The following PCDH9 variants were observed in gnomAD, a reference collection of about 807,000 sequenced individuals.
The protein encoded by PCDH9 is protocadherin-9.
In PCDH9, 24 loss-of-function variants were observed where a neutral mutation model predicts 70.6. The ratio of observed to expected loss-of-function variants is 0.34; its 90% CI spans 0.25 to 0.48. The LOEUF (loss-of-function observed/expected upper bound fraction) is 0.48. Ranked by LOEUF, PCDH9 falls within the 20% of genes least tolerant of loss-of-function variation. The probability of loss-of-function intolerance (pLI) is 0.99; values close to 1 mark genes in which losing one functional copy is unlikely to be tolerated. For missense variants in PCDH9, 1,281 were observed against 1,503.6 expected (o/e 0.85, Z 2.45); for synonymous variants, 562 against 558.5 (o/e 1.01, Z -0.09).
intron 3 of PCDH9, among the ~76,000 whole-genome samples, chr13:66,783,062 G>T (rs553178523): frequency 6.6e-6 from 1 of 152,132 alleles, no homozygotes; most frequent in South Asian, 2.1e-4. Context: ...CTTGTTGAAG[G>T]TCTCAGTTGC....
At chr13:66,516,665 A>C (rs1959750550) in intron 4 of PCDH9, among the ~76,000 whole-genome samples, 1 of 151,962 alleles carries the variant, frequency 6.6e-6, no homozygotes, top group South Asian at 2.1e-4. Context: ...GCATTTGTCT[A>C]CATGCCTAAA....
chr13:66,579,670 C>G (rs2076863332), intron 4 of PCDH9, among the ~76,000 whole-genome samples: 2 of 151,674 alleles, frequency 1.3e-5, no homozygotes, highest in African/African-American at 4.8e-5. Context: ...GTATGTATAC[C>G]CATCCAATAA....
rs1194630021 is a variant in PCDH9 at position 67,170,016 on chromosome 13, T to TA, written c.3036+55388dup. Among the ~76,000 whole-genome samples the TA allele has an allele frequency of 2.0e-5, 3 of 152,216 alleles. No individual in the cohort carries two copies. In the South Asian group the frequency reaches 6.2e-4, roughly 32 times the overall value. On this transcript the variant is annotated intron_variant, in intron 2 of 4. Transcript: ENST00000377865. ...ATCCTGCTTCTCCTCCTCCTTTTTT[T>TA]ATATTATTTCTTAAATCACAGATAC...
intron 4 of PCDH9, among the ~76,000 whole-genome samples, chr13:66,580,881 G>A (rs1223952731): frequency 6.6e-6 from 1 of 152,098 alleles, no homozygotes; most frequent in Non-Finnish European, 1.5e-5. Context: ...CTGAACAGGA[G>A]AGGAAGATAG....
At chr13:66,851,518 G>C (rs558951520) in intron 3 of PCDH9, among the ~76,000 whole-genome samples, 17 of 151,940 alleles carry the variant, frequency 1.1e-4, no homozygotes, top group Middle Eastern at 3.4e-3. Flanking sequence ...ATCTCTAGGA[G>C]TTTAGATTCT....
chr13:66,356,791 T>G (rs748531356), intron 4 of PCDH9, among the ~76,000 whole-genome samples: 1 of 152,130 alleles, frequency 6.6e-6, no homozygotes, highest in East Asian at 1.9e-4. Flanking sequence ...CCTTACTAGA[T>G]ATGATAAAGC....
intron 3 of PCDH9, among the ~76,000 whole-genome samples, chr13:66,739,722 C>A (rs1380044356): frequency 2.9e-4 from 44 of 151,200 alleles, no homozygotes; most frequent in Non-Finnish European, 4.3e-4. Context: ...TTTAAACCAA[C>A]AAAGATCAAA....
intron 2 of PCDH9, among the ~76,000 whole-genome samples, chr13:66,904,692 ACT>A (rs2082331137): frequency 6.6e-6 from 1 of 151,992 alleles, no homozygotes; most frequent in South Asian, 2.1e-4. Context: ...TTAGAAAATT[ACT>A]GTTAGACATT....
At chr13:66,802,461 T>C (rs1204260966) in intron 3 of PCDH9, among the ~76,000 whole-genome samples, 1 of 152,102 alleles carries the variant, frequency 6.6e-6, no homozygotes, top group Non-Finnish European at 1.5e-5. Flanking sequence ...GAAACAGAGA[T>C]GTAATAAATG....
At chr13:66,843,785 G>A (rs2081156715) in intron 3 of PCDH9, among the ~76,000 whole-genome samples, 1 of 152,180 alleles carries the variant, frequency 6.6e-6, no homozygotes, top group South Asian at 2.1e-4. Context: ...CAACCCAGAG[G>A]AATGAGGTTA....
chr13:67,117,826 A>G (rs1435991548), intron 2 of PCDH9, among the ~76,000 whole-genome samples: 1 of 152,166 alleles, frequency 6.6e-6, no homozygotes, highest in East Asian at 1.9e-4. Context: ...CATATCTCAA[A>G]TATAACTGAT....
intron 4 of PCDH9, among the ~76,000 whole-genome samples, chr13:66,406,870 C>T (rs1593926702): frequency 6.6e-6 from 1 of 152,274 alleles, no homozygotes; most frequent in East Asian, 1.9e-4. Context: ...ATGTTTTCAT[C>T]TGATATCATC....
chr13:67,184,693 T>C (rs556655975), intron 2 of PCDH9, among the ~76,000 whole-genome samples: 1 of 152,278 alleles, frequency 6.6e-6, no homozygotes, highest in African/African-American at 2.4e-5. Context: ...ATCGCACCAC[T>C]GCATTCCAGC....
intron 3 of PCDH9, among the ~76,000 whole-genome samples, chr13:66,881,393 G>A (rs571599929): frequency 2.6e-5 from 4 of 152,284 alleles, no homozygotes; most frequent in Non-Finnish European, 1.5e-5. Context: ...GACAGAGCTT[G>A]TGAAGGGCAA....
chr13:66,971,888 T>C (rs2083528855), intron 2 of PCDH9, among the ~76,000 whole-genome samples: 1 of 152,008 alleles, frequency 6.6e-6, no homozygotes, highest in African/African-American at 2.4e-5. Context: ...TACACTCAGT[T>C]AAGTCTTCGA....
At chr13:66,739,123 T>A (rs1373268414) in intron 3 of PCDH9, among the ~76,000 whole-genome samples, 2 of 142,972 alleles carry the variant, frequency 1.4e-5, no homozygotes, top group African/African-American at 5.2e-5. Flanking sequence ...GGGAAGCCCA[T>A]CAGACTAACA....
intron 4 of PCDH9, among the ~76,000 whole-genome samples, chr13:66,504,631 A>T (rs890475836): frequency 2.0e-5 from 3 of 152,192 alleles, no homozygotes; most frequent in Admixed American, 2.0e-4. Flanking sequence ...TTGTATGAGC[A>T]TGGAGACTAT....
chr13:66,318,919 A>G (rs1593791655), intron 4 of PCDH9, among the ~76,000 whole-genome samples: 2 of 152,166 alleles, frequency 1.3e-5, no homozygotes, highest in Admixed American at 6.5e-5. Flanking sequence ...TAATATTACA[A>G]TGTCATTGAC....
At chr13:67,014,657 CT>C (rs2084522500) in intron 2 of PCDH9, among the ~76,000 whole-genome samples, 1 of 152,070 alleles carries the variant, frequency 6.6e-6, no homozygotes, top group Non-Finnish European at 1.5e-5. Flanking sequence ...TGACCTATTT[CT>C]GTACCACTAT....
Sources: allele counts gnomAD v4.1 joint callset (sites outside exome capture counted in the v4.1 genomes callset), GRCh38; gene constraint gnomAD v4.1.1; transcripts MANE v1.5; gene names NCBI Gene and HGNC (gene_info 2026-07-23, HGNC 2026-07-21).